TEX9: variants seen among roughly 807,000 people sequenced by gnomAD.
TEX9 encodes testis-expressed protein 9.
Under a neutral mutation model 59.6 loss-of-function variants are expected in TEX9, and 74 were observed. The observed-to-expected ratio is 1.24, with a 90% CI of 1.03 to 1.51. TEX9 has a LOEUF of 1.51. TEX9 is among the 40% of genes most tolerant of loss of function. TEX9 has a pLI of 0.00. For synonymous variants in TEX9, 186 were observed against 152.2 expected (o/e 1.22, Z -1.64); for missense variants, 522 against 447.8 (o/e 1.17, Z -1.49).
intron 12 of TEX9, among the ~76,000 whole-genome samples, chr15:56,435,943 C>T (rs573638534): frequency 6.6e-6 from 1 of 152,104 alleles, no homozygotes; most frequent in South Asian, 2.1e-4. Flanking sequence ...AATTATTCAC[C>T]ATGACCAAGT....
At chr15:56,412,601 A>G (rs1238962061) in intron 10 of TEX9, among the ~76,000 whole-genome samples, 165 bp downstream of exon 10, 1 of 152,192 alleles carries the variant, frequency 6.6e-6, no homozygotes, top group Non-Finnish European at 1.5e-5. Context: ...CTAACATGTT[A>G]GGATGATATG....
chr15:56,265,620 T>C (rs2044362083), intron 1 of TEX9, among the ~76,000 whole-genome samples: 1 of 152,326 alleles, frequency 6.6e-6, no homozygotes, highest in Non-Finnish European at 1.5e-5. Flanking sequence ...CTGTGACCCA[T>C]TAATTATTTA....
chr15:56,263,456 T>C (rs2044312548), intron 1 of TEX9, among the ~76,000 whole-genome samples: 1 of 152,206 alleles, frequency 6.6e-6, no homozygotes, highest in South Asian at 2.1e-4. Flanking sequence ...TTAAATTATT[T>C]CTCTCATCTG....
chr15:56,350,239 TATAC>T (rs2046551649), intron 1 of TEX9, among the ~76,000 whole-genome samples: 1 of 152,226 alleles, frequency 6.6e-6, no homozygotes, highest in Admixed American at 6.5e-5. Context: ...ATGCAAAATA[TATAC>T]ATACATTATG....
intron 9 of TEX9, among the ~76,000 whole-genome samples, chr15:56,400,634 A>C (rs1216725594): frequency 2.0e-5 from 3 of 152,184 alleles, no homozygotes; most frequent in East Asian, 1.9e-4. Flanking sequence ...AATACAGACA[A>C]CACCACAAAG....
At chr15:56,443,760 C>T in intron 12 of TEX9, 1 of 1,613,232 alleles carries the variant, frequency 6.2e-7, no homozygotes, top group South Asian at 1.1e-5. Flanking sequence ...TCCATCTCCT[C>T]ACGTTTCTTT....
intron 1 of TEX9, among the ~76,000 whole-genome samples, chr15:56,279,223 G>T (rs2044756350): frequency 6.6e-6 from 1 of 152,190 alleles, no homozygotes; most frequent in African/African-American, 2.4e-5. Flanking sequence ...ATGTTTTAAA[G>T]TATTTGAAAC....
intron 1 of TEX9, among the ~76,000 whole-genome samples, chr15:56,321,298 A>G (rs1025426321): frequency 6.6e-6 from 1 of 152,210 alleles, no homozygotes; most frequent in Non-Finnish European, 1.5e-5. Flanking sequence ...CCAAGGCCAG[A>G]GCACAGAATA....
chr15:56,379,085 G>GAAAGAAAAAAAAAAA (rs2047600870), intron 3 of TEX9, among the ~76,000 whole-genome samples: 1 of 51,346 alleles, frequency 1.9e-5, no homozygotes, highest in Non-Finnish European at 4.6e-5. Context: ...AAAAAAAAAA[G>GAAAGAAAAAAAAAAA]AAAGAAAGAA....
chr15:56,368,138 T>C (rs2047029511), intron 2 of TEX9, among the ~76,000 whole-genome samples: 1 of 152,156 alleles, frequency 6.6e-6, no homozygotes, highest in Non-Finnish European at 1.5e-5. Context: ...GGTAGATTCT[T>C]TTTATTATGT....
chr15:56,328,831 T>C lies in TEX9; in HGVS notation c.-106-44610T>C, dbSNP rs188288094. On this transcript the variant is annotated intron_variant, in intron 1 of 5. Coordinates refer to the TEX9 transcript ENST00000560827. ...TCCAGGCCCTGACTCCTGTATGGCA[T>C]CACTGGACCTGAGGACTGGGAGAAC... Among the ~76,000 whole-genome samples the C allele has an allele frequency of 6.6e-5, 10 of 152,316 alleles. No homozygotes were observed. In the East Asian group the frequency reaches 1.9e-3, roughly 29 times the overall value.
chr15:56,253,779 G>A (rs908292358), intron 1 of TEX9, among the ~76,000 whole-genome samples: 10 of 151,924 alleles, frequency 6.6e-5, no homozygotes, highest in Middle Eastern at 3.4e-3. Flanking sequence ...TGGAAAAAGT[G>A]GCTAAAAATT....
chr15:56,405,067 A>T (rs1248080106), intron 9 of TEX9, among the ~76,000 whole-genome samples: 1 of 152,164 alleles, frequency 6.6e-6, no homozygotes, highest in African/African-American at 2.4e-5. Flanking sequence ...TCAACATGAT[A>T]CATGTATACC....
chr15:56,386,851 C>T (rs2047983326), intron 4 of TEX9, among the ~76,000 whole-genome samples: 1 of 151,328 alleles, frequency 6.6e-6, no homozygotes, highest in Non-Finnish European at 1.5e-5. Flanking sequence ...ATGGCTTTTA[C>T]CATGTAAAAC....
At chr15:56,451,160 A>G in the TEX9 span, among the ~76,000 whole-genome samples, 7 of 152,162 alleles carry the variant, frequency 4.6e-5, no homozygotes, top group African/African-American at 1.7e-4. Flanking sequence ...TTCTGGCCTA[A>G]ATGAGTTCTG....
At chr15:56,412,322 A>G (rs1301946256) in exon 10 of TEX9, 2 of 1,610,584 alleles carry the variant, frequency 1.2e-6, no homozygotes, top group South Asian at 2.2e-5. Flanking sequence ...ATAAAAGAAG[A>G]CTGCAAAAAC....
intron 1 of TEX9, among the ~76,000 whole-genome samples, chr15:56,245,691 G>T (rs957826294): frequency 4.6e-5 from 7 of 152,248 alleles, no homozygotes; most frequent in African/African-American, 1.7e-4. Context: ...TATAATGTAG[G>T]TATTATTAGT....
At chr15:56,260,206 T>G (rs1170141676) in intron 1 of TEX9, among the ~76,000 whole-genome samples, 5 of 152,116 alleles carry the variant, frequency 3.3e-5, no homozygotes, top group Admixed American at 1.3e-4. Flanking sequence ...CTTCCTTCTT[T>G]CCAACCTCAC....
At chr15:56,270,417 T>C (rs2044499513) in intron 1 of TEX9, among the ~76,000 whole-genome samples, 1 of 152,226 alleles carries the variant, frequency 6.6e-6, no homozygotes, top group African/African-American at 2.4e-5. Flanking sequence ...TCTTTGTCTC[T>C]TTTGTTCTTT....
Sources: gnomAD v4.1 joint callset for allele counts (sites outside exome capture counted in the v4.1 genomes callset) on GRCh38, gnomAD v4.1.1 for gene constraint, MANE v1.5 for transcripts, NCBI Gene and HGNC (gene_info 2026-07-23, HGNC 2026-07-21) for gene names.